SLC67A2: variants seen among roughly 807,000 people sequenced by gnomAD.
SLC67A2 encodes solute carrier family 67 member 2, also known as solute carrier family 67 member A2.
At chr2:102,725,363 G>A in the SLC67A2 span, among the ~76,000 whole-genome samples, 2 of 152,126 alleles carry the variant, frequency 1.3e-5, no homozygotes, top group African/African-American at 2.4e-5. Context: ...GTTCATATAA[G>A]AGAACTCTCA....
the SLC67A2 span, chr2:102,718,936 G>C: frequency 6.2e-7 from 1 of 1,614,270 alleles, no homozygotes. Context: ...CAAAGTTACT[G>C]TAGTACAGCA....
the SLC67A2 span, among the ~76,000 whole-genome samples, chr2:102,733,897 T>C: frequency 6.6e-6 from 1 of 152,206 alleles, no homozygotes; most frequent in Non-Finnish European, 1.5e-5. Flanking sequence ...AACTGATGAT[T>C]GGTATTACTT....
At chr2:102,718,852 C>T in the SLC67A2 span, 2 of 1,614,028 alleles carry the variant, frequency 1.2e-6, no homozygotes, top group African/African-American at 2.7e-5. Context: ...CCACGGCCCC[C>T]AGCATGCTGC....
At chr2:102,731,745 T>TA in the SLC67A2 span, among the ~76,000 whole-genome samples, 5 of 152,230 alleles carry the variant, frequency 3.3e-5, no homozygotes, top group African/African-American at 1.2e-4. Flanking sequence ...CAAGAGCTGT[T>TA]AGTCTCAACA....
chr2:102,728,143 T>A, the SLC67A2 span, among the ~76,000 whole-genome samples: 1 of 151,488 alleles, frequency 6.6e-6, no homozygotes, highest in Non-Finnish European at 1.5e-5. Flanking sequence ...AAAAAAAAAG[T>A]CACTGCCTTA....
the SLC67A2 span, chr2:102,732,100 T>C: frequency 1.5e-6 from 1 of 651,746 alleles, no homozygotes; most frequent in East Asian, 3.2e-5. Context: ...GACTTGGTTA[T>C]AGTGCTCAAA....
At chr2:102,720,505 T>TCCAATA in the SLC67A2 span, among the ~76,000 whole-genome samples, 46 of 152,330 alleles carry the variant, frequency 3.0e-4, no homozygotes, top group Admixed American at 2.5e-3. Flanking sequence ...CCAATATTCA[T>TCCAATA]GGAGTTCGTA....
the SLC67A2 span, chr2:102,736,498 G>C: frequency 1.9e-6 from 3 of 1,546,670 alleles, no homozygotes; most frequent in South Asian, 2.4e-5. Flanking sequence ...GATAGGGCAA[G>C]AGGAGAGCTT....
chr2:102,731,003 G>A, the SLC67A2 span: 6 of 1,610,322 alleles, frequency 3.7e-6, no homozygotes, highest in Middle Eastern at 5.0e-4. Flanking sequence ...TGTGATGGAT[G>A]AGACATGTGA....
the SLC67A2 span, among the ~76,000 whole-genome samples, chr2:102,730,581 C>G: frequency 1.3e-5 from 2 of 148,818 alleles, no homozygotes; most frequent in African/African-American, 5.0e-5. Context: ...CTCGCTCTGT[C>G]GTCCAGGCTG....
chr2:102,715,899 C>T, the SLC67A2 span: 1 of 152,148 alleles, frequency 6.6e-6, no homozygotes, highest in African/African-American at 2.4e-5. Context: ...ACAAATACTA[C>T]CCCTTAGACC....
the SLC67A2 span, among the ~76,000 whole-genome samples, chr2:102,719,580 C>A: frequency 2.0e-5 from 3 of 152,316 alleles, no homozygotes; most frequent in Admixed American, 2.0e-4. Context: ...TGTCTGTCCA[C>A]GTAACATCCA....
the SLC67A2 span, chr2:102,732,347 T>G: frequency 1.2e-6 from 2 of 1,613,672 alleles, no homozygotes; most frequent in South Asian, 2.2e-5. Flanking sequence ...CTGTTGGACT[T>G]GCTCCAAGGG....
the SLC67A2 span, among the ~76,000 whole-genome samples, chr2:102,720,089 T>C: frequency 6.6e-6 from 1 of 152,180 alleles, no homozygotes; most frequent in Admixed American, 6.5e-5. Context: ...AAACTTGCCA[T>C]TCTAGGACAT....
the SLC67A2 span, chr2:102,718,918 G>A: frequency 1.2e-6 from 2 of 1,614,104 alleles, no homozygotes; most frequent in Non-Finnish European, 1.7e-6. Flanking sequence ...GCTCCTCCAG[G>A]GCCAGGACAA....
At chr2:102,721,272 A>G in the SLC67A2 span, among the ~76,000 whole-genome samples, 1 of 152,292 alleles carries the variant, frequency 6.6e-6, no homozygotes, top group Non-Finnish European at 1.5e-5. Flanking sequence ...ATGTGAAGAT[A>G]CCTGGTCACA....
At chr2:102,731,206 T>A in the SLC67A2 span, 2 of 592,866 alleles carry the variant, frequency 3.4e-6, no homozygotes, top group African/African-American at 1.9e-5. Context: ...CTCACATCTT[T>A]TTTTTTTCTA....
the SLC67A2 span, among the ~76,000 whole-genome samples, chr2:102,735,836 A>ACGCG: frequency 3.1e-3 from 419 of 135,520 alleles, 2 homozygotes; most frequent in African/African-American, 7.5e-3. Flanking sequence ...AAACCAGGAC[A>ACGCG]CGCGCGCGCG....
At chr2:102,736,750 C>T in the SLC67A2 span, 4 of 1,613,876 alleles carry the variant, frequency 2.5e-6, no homozygotes, top group Non-Finnish European at 3.4e-6. Flanking sequence ...TGTTTCCGCT[C>T]TGCGGTCTCC....
Sources: gnomAD v4.1 joint callset for allele counts (sites outside exome capture counted in the v4.1 genomes callset) on GRCh38, gnomAD v4.1.1 for gene constraint, MANE v1.5 for transcripts, NCBI Gene and HGNC (gene_info 2026-07-23, HGNC 2026-07-21) for gene names.